The following RNLS variants were observed in gnomAD, a reference collection of about 807,000 sequenced individuals.
RNLS encodes the protein renalase.
In RNLS, 39 loss-of-function variants were observed where a neutral mutation model predicts 39.8. That is an observed-to-expected ratio of 0.98 (90% CI 0.76 to 1.28). The LOEUF (loss-of-function observed/expected upper bound fraction) is 1.28, where lower values mean the gene tolerates loss of function less well. Among genes scored for constraint, RNLS ranks in the 50% most tolerant of loss-of-function variants. The probability of loss-of-function intolerance (pLI) is 0.00; values close to 1 mark genes in which losing one functional copy is unlikely to be tolerated. For synonymous variants in RNLS, 147 were observed against 150.7 expected (o/e 0.98, Z 0.18); for missense variants, 410 against 413.3 (o/e 0.99, Z 0.07).
intron 4 of RNLS, among the ~76,000 whole-genome samples, chr10:88,531,372 T>C (rs929723035): frequency 6.6e-6 from 1 of 151,990 alleles, no homozygotes; most frequent in Non-Finnish European, 1.5e-5. Flanking sequence ...ATAAGTTGTA[T>C]GTATTTTCAT....
intron 5 of RNLS, among the ~76,000 whole-genome samples, chr10:88,354,374 T>C (rs560385951): frequency 2.7e-3 from 413 of 152,340 alleles, no homozygotes; most frequent in African/African-American, 9.5e-3. Flanking sequence ...TTTCCATGTT[T>C]AGTGCTTCCT....
At chr10:88,326,953 C>G (rs1372735427) in intron 5 of RNLS, among the ~76,000 whole-genome samples, 2 of 152,144 alleles carry the variant, frequency 1.3e-5, no homozygotes, top group African/African-American at 4.8e-5. Flanking sequence ...GAATAGCTGC[C>G]CTGCTGGGTT....
chr10:88,463,509 T>C (rs991885760), intron 4 of RNLS, among the ~76,000 whole-genome samples: 45 of 152,030 alleles, frequency 3.0e-4, no homozygotes, highest in African/African-American at 1.1e-3. Context: ...TCTGTGGTAC[T>C]TTGTTACAGC....
chr10:88,456,651 G>A (rs1253269973), intron 4 of RNLS, among the ~76,000 whole-genome samples: 6 of 152,076 alleles, frequency 3.9e-5, no homozygotes, highest in Non-Finnish European at 5.9e-5. Flanking sequence ...ATACAGCAAG[G>A]GCCAGGCCTG....
At chr10:88,238,494 G>A in the RNLS span, among the ~76,000 whole-genome samples, 1 of 152,232 alleles carries the variant, frequency 6.6e-6, no homozygotes, top group South Asian at 2.1e-4. Flanking sequence ...ATGGATGTGA[G>A]GGGCTACTTC....
At chr10:88,191,212 G>T in the RNLS span, among the ~76,000 whole-genome samples, 1 of 152,158 alleles carries the variant, frequency 6.6e-6, no homozygotes, top group Non-Finnish European at 1.5e-5. Context: ...ACCTTCCATT[G>T]ACTCAGCAGC....
chr10:88,517,279 T>C (rs548639372), intron 4 of RNLS, among the ~76,000 whole-genome samples: 2 of 152,094 alleles, frequency 1.3e-5, no homozygotes, highest in South Asian at 4.1e-4. Flanking sequence ...AAGGAAAGAA[T>C]AAATGTATCA....
chr10:88,374,591 G>A (rs1486632498), intron 4 of RNLS, among the ~76,000 whole-genome samples: 2 of 152,022 alleles, frequency 1.3e-5, no homozygotes, highest in South Asian at 2.1e-4. Context: ...GCGTGATCTC[G>A]ATGATGAGGT....
At chr10:88,391,272 G>A (rs1852181502) in intron 4 of RNLS, among the ~76,000 whole-genome samples, 1 of 152,070 alleles carries the variant, frequency 6.6e-6, no homozygotes, top group Admixed American at 6.6e-5. Flanking sequence ...AAAATAATGT[G>A]TACTGGCCAG....
chr10:88,339,513 T>G (rs2133211747), intron 5 of RNLS, among the ~76,000 whole-genome samples: 1 of 152,330 alleles, frequency 6.6e-6, no homozygotes, highest in East Asian at 1.9e-4. Context: ...CCTTAATTTC[T>G]CTAAACTTTA....
chr10:88,403,375 T>A (rs1017146557), intron 4 of RNLS, among the ~76,000 whole-genome samples: 3 of 152,118 alleles, frequency 2.0e-5, no homozygotes, highest in Non-Finnish European at 4.4e-5. Context: ...GTGTACATGG[T>A]AAATAGAAAT....
intron 4 of RNLS, among the ~76,000 whole-genome samples, chr10:88,377,058 A>G (rs1851060490): frequency 7.2e-6 from 1 of 138,730 alleles, no homozygotes; most frequent in Admixed American, 7.3e-5. Flanking sequence ...TCTCTTTGAA[A>G]TAATATTTGT....
intron 5 of RNLS, among the ~76,000 whole-genome samples, chr10:88,355,507 G>C (rs950961861): frequency 1.3e-5 from 2 of 152,232 alleles, no homozygotes; most frequent in Non-Finnish European, 2.9e-5. Flanking sequence ...GGTATCAGCA[G>C]TGGAGGCTGC....
intron 4 of RNLS, among the ~76,000 whole-genome samples, chr10:88,428,457 G>A (rs769932785): frequency 6.6e-6 from 1 of 151,978 alleles, no homozygotes; most frequent in African/African-American, 2.4e-5. Flanking sequence ...GCTTAACTGT[G>A]TCTAAGAGCA....
chr10:88,387,735 AAC>A (rs2133560213), intron 4 of RNLS, among the ~76,000 whole-genome samples: 1 of 152,308 alleles, frequency 6.6e-6, no homozygotes, highest in East Asian at 1.9e-4. Flanking sequence ...CTAAAAATCT[AAC>A]ACTTTTGATA....
chr10:88,196,727 A>G, the RNLS span, among the ~76,000 whole-genome samples: 1 of 152,236 alleles, frequency 6.6e-6, no homozygotes, highest in East Asian at 1.9e-4. Flanking sequence ...AGTTTAGACG[A>G]GACAATGCCC....
chr10:88,435,503 T>C (rs1573074), intron 4 of RNLS, among the ~76,000 whole-genome samples: 25,418 of 151,862 alleles, frequency 0.17, 2,835 homozygotes, highest in Non-Finnish European at 0.26. Flanking sequence ...ACAGTAGAAC[T>C]AGTAGAATAC....
At position 88,500,561 on chromosome 10, in the gene RNLS, C is replaced by A. The variant is rs952301542; in HGVS notation, c.526+72342G>T. On this transcript the variant is annotated intron_variant, in intron 4 of 6. Transcript: ENST00000331772. ...TGTTTTATTTCACTCAAGACAAAAG[C>A]AATTTTTTAAAACTGCAGATACAAA... is the stretch of plus-strand genomic sequence containing the variant. 2.6e-5 allele frequency among the ~76,000 whole-genome samples: 4 copies of A among 152,178 alleles called. No homozygotes were observed. In the South Asian group the frequency reaches 8.3e-4, roughly 32 times the overall value.
chr10:88,189,561 C>T, the RNLS span, among the ~76,000 whole-genome samples: 16 of 152,236 alleles, frequency 1.1e-4, no homozygotes, highest in Admixed American at 2.6e-4. Context: ...AAGGGAGATA[C>T]GGTTTAGGCT....
Sources: gnomAD v4.1 joint callset for allele counts (sites outside exome capture counted in the v4.1 genomes callset) on GRCh38, gnomAD v4.1.1 for gene constraint, MANE v1.5 for transcripts, NCBI Gene and HGNC (gene_info 2026-07-23, HGNC 2026-07-21) for gene names.